CNTN5: variants seen among roughly 807,000 people sequenced by gnomAD.
CNTN5 encodes contactin 5.
A neutral mutation model predicts 129.1 loss-of-function variants in CNTN5; 77 were observed. The ratio of observed to expected loss-of-function variants is 0.60; its 90% confidence interval spans 0.50 to 0.72. CNTN5 has a LOEUF of 0.72. Ranked by LOEUF, CNTN5 falls within the 30% of genes least tolerant of loss-of-function variation. CNTN5 has a pLI of 0.00. For missense variants in CNTN5, 1,478 were observed against 1,328.8 expected, an observed-to-expected ratio of 1.11 and a Z score of -1.75; for synonymous variants, 509 against 465.6, an observed-to-expected ratio of 1.09 and a Z score of -1.20.
chr11:99,589,916 G>A (rs1428381034), intron 3 of CNTN5, among the ~76,000 whole-genome samples: 1 of 152,148 alleles, frequency 6.6e-6, no homozygotes, highest in Non-Finnish European at 1.5e-5. Flanking sequence ...AGTAATACAA[G>A]ATGTGTCATA....
intron 6 of CNTN5, among the ~76,000 whole-genome samples, chr11:99,852,057 G>A (rs550744028): frequency 6.6e-6 from 1 of 152,276 alleles, no homozygotes; most frequent in Admixed American, 6.5e-5. Flanking sequence ...TAATCTGAAT[G>A]AGTCAGATTG....
At chr11:99,672,313 C>G (rs968462309) in intron 3 of CNTN5, among the ~76,000 whole-genome samples, 1 of 151,974 alleles carries the variant, frequency 6.6e-6, no homozygotes, top group African/African-American at 2.4e-5. Context: ...GTTGCCACCA[C>G]GTCCTATAGT....
chr11:99,951,078 T>G (rs1950662550), intron 7 of CNTN5, among the ~76,000 whole-genome samples: 1 of 152,256 alleles, frequency 6.6e-6, no homozygotes, highest in South Asian at 2.1e-4. Flanking sequence ...AGTTTACAGA[T>G]GAGAAGATTA....
At chr11:99,370,210 G>A (rs1256571626) in intron 2 of CNTN5, among the ~76,000 whole-genome samples, 3 of 152,174 alleles carry the variant, frequency 2.0e-5, no homozygotes, top group Non-Finnish European at 4.4e-5. Context: ...TATTTCTGTG[G>A]AATTGAGAAG....
chr11:99,598,408 C>T (rs1411832839), intron 3 of CNTN5, among the ~76,000 whole-genome samples: 1 of 121,634 alleles, frequency 8.2e-6, no homozygotes, highest in African/African-American at 3.2e-5. Context: ...TTCCCTCCCT[C>T]TCTCCCTCCC....
intron 6 of CNTN5, among the ~76,000 whole-genome samples, chr11:99,858,042 C>T (rs1332080455): frequency 6.6e-6 from 1 of 150,728 alleles, no homozygotes; most frequent in South Asian, 2.1e-4. Flanking sequence ...TCAAAATATC[C>T]AGCAAAAAAA....
chr11:99,622,439 ACT>A (rs944204370), intron 3 of CNTN5, among the ~76,000 whole-genome samples: 1 of 152,118 alleles, frequency 6.6e-6, no homozygotes, highest in Non-Finnish European at 1.5e-5. Flanking sequence ...TTGTGCCAAA[ACT>A]CTAGGAAAAG....
At chr11:100,166,758 G>A (rs1449091225) in intron 13 of CNTN5, among the ~76,000 whole-genome samples, 3 of 151,776 alleles carry the variant, frequency 2.0e-5, no homozygotes, top group Non-Finnish European at 4.4e-5. Context: ...ACACTTAACA[G>A]TATCTTGAAA....
chr11:99,618,059 A>T (rs919659496), intron 3 of CNTN5, among the ~76,000 whole-genome samples: 7 of 152,258 alleles, frequency 4.6e-5, no homozygotes, highest in South Asian at 2.1e-4. Context: ...GTGGGGGTAA[A>T]TATTTTTAAC....
At chr11:99,069,448 C>G (rs1175452617) in intron 1 of CNTN5, among the ~76,000 whole-genome samples, 1 of 152,010 alleles carries the variant, frequency 6.6e-6, no homozygotes, top group African/African-American at 2.4e-5. Flanking sequence ...GTGGAGAGGT[C>G]AGATTGCTGG....
At chr11:99,388,414 CAAAA>C (rs10652309) in intron 2 of CNTN5, among the ~76,000 whole-genome samples, 5 of 121,848 alleles carry the variant, frequency 4.1e-5, no homozygotes, top group Non-Finnish European at 3.2e-5. Context: ...AACCCGGTCT[CAAAA>C]AAAAAAAAAA....
At chr11:99,031,585 T>C (rs937479184) in intron 1 of CNTN5, among the ~76,000 whole-genome samples, 1 of 151,908 alleles carries the variant, frequency 6.6e-6, no homozygotes, top group African/African-American at 2.4e-5. Flanking sequence ...AATTTTGTAC[T>C]GTTCACTGAG....
intron 3 of CNTN5, among the ~76,000 whole-genome samples, chr11:99,612,859 TG>T (rs1312685581): frequency 3.3e-5 from 5 of 152,128 alleles, no homozygotes; most frequent in Non-Finnish European, 5.9e-5. Flanking sequence ...AACACTGTTG[TG>T]AAGTGAAGTT....
At chr11:99,971,687 A>T (rs1401185833) in intron 8 of CNTN5, among the ~76,000 whole-genome samples, 1 of 152,068 alleles carries the variant, frequency 6.6e-6, no homozygotes, top group Non-Finnish European at 1.5e-5. Context: ...ATGAGAAAAC[A>T]TTATTCTCCC....
chr11:100,192,326 G>A (rs1352244271), intron 14 of CNTN5, among the ~76,000 whole-genome samples: 1 of 151,998 alleles, frequency 6.6e-6, no homozygotes, highest in African/African-American at 2.4e-5. Flanking sequence ...AAACTACAGT[G>A]TACTGCTTTT....
chr11:99,816,458 A>G (rs1357957605), intron 3 of CNTN5, among the ~76,000 whole-genome samples: 1 of 152,192 alleles, frequency 6.6e-6, no homozygotes, highest in East Asian at 1.9e-4. Context: ...AACTGAATTC[A>G]TGAGCCTTTA....
At chr11:99,431,871 CT>C (rs1380642042) in intron 2 of CNTN5, among the ~76,000 whole-genome samples, 8 of 151,970 alleles carry the variant, frequency 5.3e-5, no homozygotes, top group Admixed American at 3.9e-4. Flanking sequence ...GGCATGGTCA[CT>C]TTACTCAATC....
In CNTN5 at chr11:99,500,137, GAGGCAAAAC is replaced by G. The variant is rs1418167271; in HGVS notation, c.-70-56006_-70-55998del. Among the ~76,000 whole-genome samples, 465 of 85,130 alleles carry G rather than the reference GAGGCAAAAC, an allele frequency of 5.5e-3. 1 individual carries two copies. The highest frequency in any genetic ancestry group is 0.014 in the African/African-American group (394 of 28,554). The allele number at this position is 85,130 out of a possible 152,430, so 55.8% of individuals were successfully genotyped here. A position where few individuals can be genotyped will look rare whatever the true frequency, so the allele number is the denominator to read the frequency against. On this transcript the variant is annotated intron_variant, in intron 2 of 24. Transcript: ENST00000524871. ...GATTTGTTTGATAATGAAAAAAACAGAGGCAAAACACACTCAAATATTAGGCTGGCGCAA... is the reference window on the plus strand; with the variant it reads ...GATTTGTTTGATAATGAAAAAAACAGACACTCAAATATTAGGCTGGCGCAA...
intron 7 of CNTN5, among the ~76,000 whole-genome samples, chr11:99,925,885 A>G (rs775512657): frequency 2.2e-4 from 34 of 152,108 alleles, no homozygotes; most frequent in Non-Finnish European, 2.9e-4. Context: ...GGAATACCAG[A>G]TATTCTCTGC....
Sources: allele counts gnomAD v4.1 joint callset (sites outside exome capture counted in the v4.1 genomes callset), GRCh38; gene constraint gnomAD v4.1.1; transcripts MANE v1.5; gene names NCBI Gene and HGNC (gene_info 2026-07-23, HGNC 2026-07-21).